The following DLGAP2 variants were observed in gnomAD, a reference collection of about 807,000 sequenced individuals.
DLGAP2 encodes the protein DLG associated protein 2.
A neutral mutation model predicts 100.3 loss-of-function variants in DLGAP2; 26 were observed. The ratio of observed to expected loss-of-function variants is 0.26; its 90% CI spans 0.19 to 0.36. The LOEUF (loss-of-function observed/expected upper bound fraction) is 0.36. Ranked by LOEUF, DLGAP2 falls within the 10% of genes least tolerant of loss-of-function variation. The pLI is 1.00. For missense variants in DLGAP2, 1,858 were observed against 1,453.2 expected (o/e 1.28, Z -4.53); for synonymous variants, 886 against 630.1 (o/e 1.41, Z -6.08).
intron 2 of DLGAP2, among the ~76,000 whole-genome samples, chr8:911,835 C>G (rs1260842415): frequency 6.6e-6 from 1 of 152,202 alleles, no homozygotes; most frequent in Admixed American, 6.5e-5. Flanking sequence ...CAGAAGCCAC[C>G]TTCCATTGAA....
intron 1 of DLGAP2, among the ~76,000 whole-genome samples, chr8:883,736 G>A (rs922582365): frequency 2.0e-5 from 3 of 152,030 alleles, no homozygotes; most frequent in African/African-American, 7.2e-5. Flanking sequence ...TAGGAGCGCG[G>A]GTGCTGTGGT....
chr8:776,402 G>A (rs1821516613), intron 1 of DLGAP2, among the ~76,000 whole-genome samples: 1 of 152,000 alleles, frequency 6.6e-6, no homozygotes, highest in African/African-American at 2.4e-5. Flanking sequence ...GCTTTTGAAT[G>A]TGTTTGCTCT....
intron 1 of DLGAP2, among the ~76,000 whole-genome samples, chr8:883,661 G>A (rs536522431): frequency 6.6e-6 from 1 of 150,456 alleles, no homozygotes; most frequent in Non-Finnish European, 1.5e-5. Context: ...GGTTCGTTAC[G>A]TAGGTGCGCG....
chr8:862,038 A>G (rs901202257), intron 1 of DLGAP2, among the ~76,000 whole-genome samples: 3 of 152,234 alleles, frequency 2.0e-5, no homozygotes, highest in African/African-American at 7.2e-5. Flanking sequence ...CTTCTGCATC[A>G]GTGTTTCTAA....
chr8:1,237,513 G>C (rs5009153), intron 2 of DLGAP2, among the ~76,000 whole-genome samples: 113,103 of 129,438 alleles, frequency 0.87, 49,147 homozygotes, highest in Middle Eastern at 0.95. Context: ...ATGTCTAGTT[G>C]TTTCTCACAC....
chr8:1,549,694 T>C lies in DLGAP2; in HGVS notation c.1230+11T>C. ...TGCCACTACCTCCAGGTAAGCAGGCTCACGGCCCTGTGGAGGCCGTCTCGG... is the reference window on the plus strand; with the variant it reads ...TGCCACTACCTCCAGGTAAGCAGGCCCACGGCCCTGTGGAGGCCGTCTCGG... On this transcript the variant is annotated intron_variant, in intron 5 of 14. Transcript: ENST00000637795. The C allele has an allele frequency of 6.5e-7, 1 of 1,535,382 alleles. No individual in the cohort carries two copies. Among genetic ancestry groups the C allele is most frequent in the Non-Finnish European group, 8.8e-7 (1 of 1,138,996 alleles).
At chr8:1,113,405 G>T (rs1805020973) in intron 2 of DLGAP2, among the ~76,000 whole-genome samples, 1 of 152,186 alleles carries the variant, frequency 6.6e-6, no homozygotes, top group Admixed American at 6.5e-5. Context: ...TCATTGAAGA[G>T]ATCTTTAACC....
chr8:786,121 C>G lies in DLGAP2; in HGVS notation c.18+48296C>G, dbSNP rs1821855733. Among the ~76,000 whole-genome samples, 3 of 152,220 alleles carry G rather than the reference C, an allele frequency of 2.0e-5. No individual in the cohort carries two copies. In the South Asian group the frequency reaches 6.2e-4, roughly 31 times the overall value. Reference sequence around the variant, plus strand: ...CCTTTGCGAAACACCCATGCCTGAGCTTAGCTCAGCTGGGCCGGCGCAGGG... The same window carrying G: ...CCTTTGCGAAACACCCATGCCTGAGGTTAGCTCAGCTGGGCCGGCGCAGGG... On this transcript the variant is annotated intron_variant, in intron 1 of 14. Transcript: ENST00000637795.
chr8:1,326,755 A>G (rs1801031843), intron 3 of DLGAP2, among the ~76,000 whole-genome samples: 1 of 152,184 alleles, frequency 6.6e-6, no homozygotes, highest in Non-Finnish European at 1.5e-5. Context: ...CTGTTTTTCC[A>G]ACTGGAGAGA....
rs1797137468 is a variant in DLGAP2 at position 1,171,940 on chromosome 8, T to A, written c.74-86911T>A. On this transcript the variant is annotated intron_variant, in intron 2 of 14. Coordinates refer to ENST00000637795, the MANE Select transcript of DLGAP2 (RefSeq NM_001346810.2). ...ATCCTGTCATTATGATGTTAGCTGT[T>A]TATTTTGCTCGTTAGTTGATGCAGT... Among the ~76,000 whole-genome samples, 3 of 152,282 alleles carry A rather than the reference T, an allele frequency of 2.0e-5. No individual in the cohort carries two copies. The East Asian group carries it at 5.8e-4, about 29-fold the overall frequency.
chr8:1,419,753 G>A (rs1443244577), intron 3 of DLGAP2, among the ~76,000 whole-genome samples: 1 of 152,184 alleles, frequency 6.6e-6, no homozygotes, highest in Non-Finnish European at 1.5e-5. Context: ...TTCTTATAAT[G>A]TTGGTGAGAA....
At chr8:1,111,228 C>G (rs548625129) in intron 2 of DLGAP2, among the ~76,000 whole-genome samples, 18 of 152,116 alleles carry the variant, frequency 1.2e-4, no homozygotes, top group Non-Finnish European at 2.1e-4. Context: ...GTCCGACTTG[C>G]CTAGTTTCCT....
intron 2 of DLGAP2, among the ~76,000 whole-genome samples, chr8:1,208,195 G>C (rs1234934502): frequency 6.6e-6 from 1 of 152,196 alleles, no homozygotes; most frequent in Admixed American, 6.5e-5. Flanking sequence ...TAGGGTTTCA[G>C]GTCTTAGCTG....
chr8:1,229,101 A>T (rs999396542), intron 2 of DLGAP2, among the ~76,000 whole-genome samples: 3 of 152,340 alleles, frequency 2.0e-5, no homozygotes, highest in Middle Eastern at 3.4e-3. Context: ...TCAGCATACG[A>T]AACTCAATTG....
intron 2 of DLGAP2, among the ~76,000 whole-genome samples, chr8:922,141 C>T (rs1042827835): frequency 6.6e-6 from 1 of 152,156 alleles, no homozygotes; most frequent in Non-Finnish European, 1.5e-5. Context: ...TTTTCAGAGG[C>T]GCCGAGTTTT....
rs1188086290 is a variant in DLGAP2, at chr8:1,706,927, T to G, written c.*5521T>G. Reference sequence around the variant, plus strand: ...CCGGGAAACAGCCGTCTTTCATCCTTGCCACATTGAAAAATGTCCACAATT... The same window carrying G: ...CCGGGAAACAGCCGTCTTTCATCCTGGCCACATTGAAAAATGTCCACAATT... On this transcript the variant is annotated 3_prime_UTR_variant, in exon 15 of 15. Coordinates refer to ENST00000637795, the MANE Select transcript of DLGAP2 (RefSeq NM_001346810.2). The G allele has an allele frequency of 1.3e-5, 2 of 152,384 alleles. No individual in the cohort carries two copies. Among genetic ancestry groups the G allele is most frequent in the East Asian group, 3.9e-4 (2 of 5,190 alleles). The allele number at this position is 152,384 out of a possible 1,614,324, so 9.4% of individuals were successfully genotyped here.
At chr8:1,632,704 A>T in intron 7 of DLGAP2, 123 bp from the exon 8 acceptor site, 1 of 896,516 alleles carries the variant, frequency 1.1e-6, no homozygotes, top group South Asian at 1.8e-5. Context: ...ACTTCAGGTT[A>T]ACTGTGCTGA....
chr8:1,248,708 T>C (rs1321161849), intron 2 of DLGAP2: 2 of 145,388 alleles, frequency 1.4e-5, no homozygotes, highest in Admixed American at 7.0e-5. Flanking sequence ...GGACTGGGCA[T>C]AGGAGAGAGG....
In DLGAP2 at chr8:1,555,520, C is replaced by T. The variant is rs73671205; in HGVS notation, c.1230+5837C>T. On this transcript the variant is annotated intron_variant, in intron 5 of 14. Transcript: ENST00000637795. Reference sequence around the variant, plus strand: ...CAGAATCCTCTCCCACCTTGAGTACCGTCACACAGGGCTTGGCAGGATCTC... The same window carrying T: ...CAGAATCCTCTCCCACCTTGAGTACTGTCACACAGGGCTTGGCAGGATCTC... Among the ~76,000 whole-genome samples, 1,399 of 152,298 alleles carry T rather than the reference C, an allele frequency of 9.2e-3. 23 individuals carry two copies. Among genetic ancestry groups the T allele is most frequent in the African/African-American group, 0.03 (1,266 of 41,558 alleles).
Sources: gnomAD v4.1 joint callset for allele counts (sites outside exome capture counted in the v4.1 genomes callset) on GRCh38, gnomAD v4.1.1 for gene constraint, MANE v1.5 for transcripts, NCBI Gene and HGNC (gene_info 2026-07-23, HGNC 2026-07-21) for gene names.